The following TNFAIP8 variants were observed in gnomAD, a reference collection of about 807,000 sequenced individuals.
TNFAIP8 encodes the protein tumor necrosis factor alpha-induced protein 8.
In TNFAIP8, 7 loss-of-function variants were observed where a neutral mutation model predicts 13.3. The observed-to-expected ratio is 0.52, with a 90% CI of 0.30 to 0.99. TNFAIP8 has a LOEUF of 0.99. Ranked by LOEUF, TNFAIP8 falls within the 50% of genes least tolerant of loss-of-function variation. The pLI is 0.07. For missense variants in TNFAIP8, 258 were observed against 236.9 expected (o/e 1.09, Z -0.58); for synonymous variants, 94 against 87.6 (o/e 1.07, Z -0.41).
At chr5:119,356,303 C>T (rs1458551475) in intron 1 of TNFAIP8, among the ~76,000 whole-genome samples, 182 bp downstream of exon 1, 2 of 152,180 alleles carry the variant, frequency 1.3e-5, no homozygotes, top group Admixed American at 6.5e-5. Context: ...GGGCTCCCTT[C>T]TCCCCCCGCA....
rs572379037 is a variant in TNFAIP8 at position 119,337,784 on chromosome 5, G to A, written c.2-55032G>A. Among the ~76,000 whole-genome samples the A allele has an allele frequency of 9.2e-5, 14 of 152,282 alleles. No individual in the cohort carries two copies. The South Asian group carries it at 1.4e-3, about 16-fold the overall frequency. On this transcript the variant is annotated intron_variant, in intron 1 of 1. Transcript: ENST00000274456. Reference sequence around the variant, plus strand: ...GCTGCATGTGGGAGATGGAGAATGAGAGTGCTCAGTTAAAGTTGCCACCAA... The same window carrying A: ...GCTGCATGTGGGAGATGGAGAATGAAAGTGCTCAGTTAAAGTTGCCACCAA...
At chr5:119,275,516 G>A (rs748392395) in intron 1 of TNFAIP8, among the ~76,000 whole-genome samples, 3 of 152,042 alleles carry the variant, frequency 2.0e-5, no homozygotes, top group Non-Finnish European at 1.5e-5. Context: ...CCCTAACCCA[G>A]GCCTGTTTCC....
At chr5:119,309,533 A>G (rs1348772831) in intron 1 of TNFAIP8, among the ~76,000 whole-genome samples, 2 of 152,206 alleles carry the variant, frequency 1.3e-5, no homozygotes, top group African/African-American at 4.8e-5. Flanking sequence ...TGTTTAAATA[A>G]GATGGCAAGA....
intron 1 of TNFAIP8, among the ~76,000 whole-genome samples, chr5:119,388,734 A>G (rs182305976): frequency 1.3e-4 from 19 of 151,560 alleles, no homozygotes; most frequent in African/African-American, 4.6e-4. Flanking sequence ...GTAGCCTTGA[A>G]CTCCTGGGCT....
intron 1 of TNFAIP8, among the ~76,000 whole-genome samples, chr5:119,308,392 C>CTTTTTTT (rs57948080): frequency 7.7e-6 from 1 of 129,260 alleles, no homozygotes. Context: ...CGTTTCCCAC[C>CTTTTTTT]TTTTTTTTTT....
intron 1 of TNFAIP8, among the ~76,000 whole-genome samples, chr5:119,288,784 G>A (rs1224093916): frequency 2.0e-5 from 3 of 152,360 alleles, no homozygotes; most frequent in African/African-American, 7.2e-5. Context: ...CATATGGAAA[G>A]AATTAGACTA....
At chr5:119,300,117 T>C (rs901888183) in intron 1 of TNFAIP8, among the ~76,000 whole-genome samples, 18 of 152,248 alleles carry the variant, frequency 1.2e-4, no homozygotes, top group African/African-American at 4.1e-4. Context: ...CTGCACCCAC[T>C]GTCCTGTGCC....
intron 1 of TNFAIP8, 94 bp downstream of exon 1, chr5:119,356,215 C>A: frequency 8.5e-7 from 1 of 1,175,594 alleles, no homozygotes; most frequent in Non-Finnish European, 1.2e-6. Flanking sequence ...TTAAAGTGAG[C>A]GGTGGGCACT....
chr5:119,292,685 T>TATACAC (rs1470227218), intron 1 of TNFAIP8, among the ~76,000 whole-genome samples: 62 of 52,308 alleles, frequency 1.2e-3, no homozygotes, highest in African/African-American at 3.1e-3. Flanking sequence ...TATATATATA[T>TATACAC]ACACACACAC....
intron 1 of TNFAIP8, among the ~76,000 whole-genome samples, chr5:119,385,931 A>G (rs1345586332): frequency 6.6e-6 from 1 of 152,212 alleles, no homozygotes; most frequent in Non-Finnish European, 1.5e-5. Flanking sequence ...AACAACTCCA[A>G]AAAGTGGGGA....
chr5:119,393,004 A>G lies in TNFAIP8; in HGVS notation c.220A>G (p.Asn74Asp). The G allele has an allele frequency of 6.2e-7, 1 of 1,613,308 alleles. No homozygotes were observed. Among genetic ancestry groups the G allele is most frequent in the Non-Finnish European group, 8.5e-7 (1 of 1,179,586 alleles). The change falls in exon 2 of 2, where the codon AAC becomes GAC. Residue 74 changes from asparagine to aspartate, a missense_variant. By Grantham distance (23) the Asn-to-Asp change is conservative. Coordinates refer to ENST00000504771, the MANE Select transcript of TNFAIP8 (RefSeq NM_014350.4). ...NKKEAEKIIK[N>D]LIKTVIKLAI... is the part of the protein sequence containing the mutation. ...GAAGGAGGCAGAGAAGATCATCAAG[A>G]ACCTCATCAAGACAGTCATCAAGCT...
intron 1 of TNFAIP8, among the ~76,000 whole-genome samples, chr5:119,328,425 A>G (rs1750286064): frequency 6.6e-6 from 1 of 152,258 alleles, no homozygotes; most frequent in East Asian, 1.9e-4. Flanking sequence ...AATGGAGAAT[A>G]GAAGTGCTTG....
chr5:119,283,297 T>C (rs189812124), intron 1 of TNFAIP8, among the ~76,000 whole-genome samples: 6 of 152,324 alleles, frequency 3.9e-5, no homozygotes, highest in Admixed American at 6.5e-5. Flanking sequence ...GACACTTAGC[T>C]TTTAAAAGCA....
At chr5:119,275,314 C>T (rs762180777) in intron 1 of TNFAIP8, among the ~76,000 whole-genome samples, 1 of 152,106 alleles carries the variant, frequency 6.6e-6, no homozygotes, top group Admixed American at 6.6e-5. Context: ...GCCCAGTGTT[C>T]ATTAGTTGAA....
chr5:119,312,486 T>A (rs920268107), intron 1 of TNFAIP8, among the ~76,000 whole-genome samples: 2 of 152,152 alleles, frequency 1.3e-5, no homozygotes, highest in African/African-American at 4.8e-5. Context: ...ATAGAGTTAT[T>A]TCAGTGGGAA....
intron 1 of TNFAIP8, among the ~76,000 whole-genome samples, chr5:119,386,944 C>T (rs1359070496): frequency 6.7e-6 from 1 of 148,716 alleles, no homozygotes. Context: ...CATATCTGTG[C>T]TGCTTCTACT....
chr5:119,342,793 C>T (rs1230881306), intron 1 of TNFAIP8, among the ~76,000 whole-genome samples: 1 of 152,206 alleles, frequency 6.6e-6, no homozygotes, highest in African/African-American at 2.4e-5. Flanking sequence ...TTTTCTCCCT[C>T]TCTTCCTCTT....
chr5:119,330,975 CTA>C (rs925294525), intron 1 of TNFAIP8, among the ~76,000 whole-genome samples: 2 of 152,126 alleles, frequency 1.3e-5, no homozygotes, highest in African/African-American at 4.8e-5. Flanking sequence ...CAAGAGCCAA[CTA>C]TATTCCTGAG....
chr5:119,324,294 AAAAAAAAAAAAAAAAAAAAAG>A (rs1464720606), intron 1 of TNFAIP8, among the ~76,000 whole-genome samples: 3,259 of 65,236 alleles, frequency 0.05, 187 homozygotes, highest in African/African-American at 0.17. Context: ...AAAAAAAAAA[AAAAAAAAAAAAAAAAAAAAAG>A]AAGAAGTTCC....
Sources: gnomAD v4.1 joint callset for allele counts (sites outside exome capture counted in the v4.1 genomes callset) on GRCh38, gnomAD v4.1.1 for gene constraint, MANE v1.5 for transcripts, NCBI Gene and HGNC (gene_info 2026-07-23, HGNC 2026-07-21) for gene names.